The following RRP7A variants were observed in gnomAD, a reference collection of about 807,000 sequenced individuals.
RRP7A encodes the protein ribosomal RNA-processing protein 7 homolog A.
RRP7A carries 27 observed loss-of-function variants against 38.4 expected under a neutral mutation model. The ratio of observed to expected loss-of-function variants is 0.70; its 90% CI spans 0.52 to 0.97. RRP7A has a LOEUF of 0.97. Ranked by LOEUF, RRP7A falls within the 50% of genes least tolerant of loss-of-function variation. The pLI is 0.00. For missense variants in RRP7A, 327 were observed against 375.4 expected (o/e 0.87, Z 1.07); for synonymous variants, 124 against 150.3 (o/e 0.83, Z 1.28).
At position 42,511,943 on chromosome 22, in the gene RRP7A, G is replaced by A. The variant is rs964053076; in HGVS notation, c.*967C>T. 18 of 681,232 alleles carry A rather than the reference G, an allele frequency of 2.6e-5. No homozygotes were observed. The highest frequency in any genetic ancestry group is 5.2e-5 in the South Asian group (3 of 57,846). 42.2% of individuals were successfully genotyped at this position (681,232 alleles called of 1,614,324 possible). ...AGTCCCTAAGGTTAGACATCTCCTG[G>A]GGTGCTATGGACTGTCGGGGCTCCA... On this transcript the variant is annotated 3_prime_UTR_variant, in exon 7 of 7. Transcript: ENST00000323013.
rs1374987878 is a variant in RRP7A at position 42,509,464 on chromosome 22, C to CT, written c.*3445dup. On this transcript the variant is annotated 3_prime_UTR_variant, in exon 7 of 7. Transcript: ENST00000323013. ...TCTCCTGCCTCAGCCTCCCGAGTAG[C>CT]TGGGACTACAGGCGCCCGCCACCAC... Among the ~76,000 whole-genome samples, 2 of 150,694 alleles carry CT rather than the reference C, an allele frequency of 1.3e-5. No individual in the cohort carries two copies. The highest frequency in any genetic ancestry group is 3.0e-5 in the Non-Finnish European group (2 of 67,418).
rs1033171784 is a variant in RRP7A at position 42,510,396 on chromosome 22, C to G, written c.*2514G>C. On this transcript the variant is annotated 3_prime_UTR_variant, in exon 7 of 7. Transcript: ENST00000323013. ...GTGACCAAGTCCTGAACTCCCTGCG[C>G]CCCAGCAAGGCTGTGCCTTCAGCAC... 8.9e-6 allele frequency: 2 copies of G among 225,018 alleles called. No individual in the cohort carries two copies. The highest frequency in any genetic ancestry group is 1.8e-5 in the Non-Finnish European group (2 of 113,766). The allele number at this position is 225,018 out of a possible 1,614,324, so 13.9% of individuals were successfully genotyped here.
rs747587381 is a variant in RRP7A at position 42,514,124 on chromosome 22, G to C, written c.739C>G (p.Arg247Gly). 11 of 1,613,064 alleles carry C rather than the reference G, an allele frequency of 6.8e-6. No homozygotes were observed. The highest frequency in any genetic ancestry group is 9.3e-6 in the Non-Finnish European group (11 of 1,179,740). The change falls in exon 6 of 7, where the codon CGA becomes GGA. Residue 247 changes from arginine (R) to glycine (G), a missense_variant. This residue lies in a region of RRP7A where 84 missense variants were observed against 82.8 expected (regional missense o/e 1.01). Coordinates refer to ENST00000323013, the MANE Select transcript of RRP7A (RefSeq NM_015703.5). ...GGCTTACGCTCCATCTTGCTCTCTC[G>C]ATGCTGCCAGGCGTAGAAGTTGAGC... ...ELLNFYAWQH[R>G]ESKMEHLAQL... is the part of the protein sequence containing the mutation.
At position 42,517,985 on chromosome 22, in the gene RRP7A, C is replaced by G; in HGVS notation, c.216+20G>C. On this transcript the variant is annotated intron_variant, in intron 2 of 6. Transcript: ENST00000323013. ...CCACCTTGAGCCCACAGGTCTCCTC[C>G]CAGACAGACACTAGCTCACCTCTGT... is the stretch of plus-strand genomic sequence containing the variant. 6.2e-7 allele frequency: 1 copy of G among 1,609,722 alleles called. No individual in the cohort carries two copies. Among genetic ancestry groups the G allele is most frequent in the Non-Finnish European group, 8.5e-7 (1 of 1,177,750 alleles).
At chr22:42,513,422 G>A (rs1438858051) in intron 6 of RRP7A, among the ~76,000 whole-genome samples, 1 of 107,674 alleles carries the variant, frequency 9.3e-6, no homozygotes, top group Non-Finnish European at 2.0e-5. Flanking sequence ...TGAGGGGGAA[G>A]CTGAGGGTCT....
chr22:42,509,610 A>T lies in RRP7A; in HGVS notation c.*3300T>A, dbSNP rs1269283294. 7.0e-4 allele frequency among the ~76,000 whole-genome samples: 106 copies of T among 150,860 alleles called. 1 individual carries two copies. The highest frequency in any genetic ancestry group is 2.0e-3 in the African/African-American group (80 of 40,908). On this transcript the variant is annotated 3_prime_UTR_variant, in exon 7 of 7. Transcript: ENST00000323013. Reference sequence around the variant, plus strand: ...CCTCCCAGTGTTGGGATTACAGGCGAGAGCCACCGTGCGTGGCCCACCATA... The same window carrying T: ...CCTCCCAGTGTTGGGATTACAGGCGTGAGCCACCGTGCGTGGCCCACCATA...
In RRP7A at chr22:42,516,073, G is replaced by T; in HGVS notation, c.280C>A (p.Pro94Thr). ...TCCTTTGGGCTCTCAGCCAGGTCCG[G>T]CTTCTCCTGCAACTCTACAGACTGG... is the stretch of plus-strand genomic sequence containing the variant. ...LVQSVELQEK[P>T]DLAESPKESR... Residue 94 changes from proline (P) to threonine (T), a missense_variant, in exon 3 of 7, where the codon CCG becomes ACG. Transcript: ENST00000323013. 1.2e-6 allele frequency: 2 copies of T among 1,613,418 alleles called. No individual in the cohort carries two copies. The highest frequency in any genetic ancestry group is 1.7e-6 in the Non-Finnish European group (2 of 1,179,610).
At chr22:42,517,883 C>G in intron 2 of RRP7A, 122 bp downstream of exon 2, 1 of 1,169,072 alleles carries the variant, frequency 8.6e-7, no homozygotes, top group Non-Finnish European at 1.2e-6. Flanking sequence ...CGGTAGCCCT[C>G]CTGACACTCT....
At position 42,511,838 on chromosome 22, in the gene RRP7A, G is replaced by A; in HGVS notation, c.*1072C>T. The A allele has an allele frequency of 6.5e-6, 3 of 462,540 alleles. No individual in the cohort carries two copies. The allele number at this position is 462,540 out of a possible 1,614,324, so 28.7% of individuals were successfully genotyped here. Reference sequence around the variant, plus strand: ...GAGGACTACTTCGGATACAATCACAGCAACCCTGGCCTCGGCCCTGCCCTG... The same window carrying A: ...GAGGACTACTTCGGATACAATCACAACAACCCTGGCCTCGGCCCTGCCCTG... On this transcript the variant is annotated 3_prime_UTR_variant, in exon 7 of 7. Transcript: ENST00000323013.
intron 2 of RRP7A, among the ~76,000 whole-genome samples, chr22:42,517,728 T>C (rs8137466): frequency 0.54 from 82,430 of 151,878 alleles, 24,903 homozygotes; most frequent in East Asian, 0.88. Context: ...CCATGTTGGC[T>C]AGGCTGGTCT....
rs1932414825 is a variant in RRP7A, at chr22:42,510,289, TG to T, written c.*2620del. On this transcript the variant is annotated 3_prime_UTR_variant, in exon 7 of 7. Transcript: ENST00000323013. The stretch of plus-strand genomic sequence containing the variant: ...GATTGTAGACTTTCAATGGGAGGAT[TG>T]TGAAGACATAAATTCTCTCTCAGAG... The T allele has an allele frequency of 6.4e-6, 1 of 155,976 alleles. No homozygotes were observed. The highest frequency in any genetic ancestry group is 1.4e-5 in the Non-Finnish European group (1 of 70,584). The allele number at this position is 155,976 out of a possible 1,614,324, so 9.7% of individuals were successfully genotyped here.
chr22:42,515,801 C>A (rs1920927905), intron 3 of RRP7A, among the ~76,000 whole-genome samples: 1 of 152,200 alleles, frequency 6.6e-6, no homozygotes, highest in South Asian at 2.1e-4. Flanking sequence ...TAACACGGGA[C>A]AGAAAAAGCC....
Position 42,512,863 on chromosome 22 carries a change from C to T in RRP7A, c.*47G>A, listed in dbSNP as rs1207319360. 2 of 1,573,124 alleles carry T rather than the reference C, an allele frequency of 1.3e-6. No individual in the cohort carries two copies. Among genetic ancestry groups the T allele is most frequent in the Admixed American group, 1.7e-5 (1 of 58,686 alleles). On this transcript the variant is annotated 3_prime_UTR_variant, in exon 7 of 7. Transcript: ENST00000323013. ...GAGACCGCTGCAGGCCCTGCCTCGC[C>T]TCCTCCTGGCCCTGCACCTCCAGCC...
In RRP7A at chr22:42,509,489, C is replaced by G. The variant is rs6002775; in HGVS notation, c.*3421G>C. On this transcript the variant is annotated 3_prime_UTR_variant, in exon 7 of 7. Coordinates refer to ENST00000323013, the MANE Select transcript of RRP7A (RefSeq NM_015703.5). The stretch of plus-strand genomic sequence containing the variant: ...CTGGGACTACAGGCGCCCGCCACCA[C>G]GCCTGGCTTATTTTTGTATTTTTAG... Among the ~76,000 whole-genome samples the G allele has an allele frequency of 0.54, 76,398 of 142,280 alleles. 23,921 individuals are homozygous for G. Among genetic ancestry groups the G allele is most frequent in the East Asian group, 0.88 (4,504 of 5,098 alleles). The allele number at this position is 142,280 out of a possible 152,430, so 93.3% of individuals were successfully genotyped here.
In RRP7A at chr22:42,518,036, A is replaced by C. The variant is rs765666158; in HGVS notation, c.185T>G (p.Phe62Cys). ...GCAGTATGGGGGCACATTGAGGACA[A>C]AAAGAGTCCTCTTCTGAGGCCAGGT... ...KSTWPQKRTL[F>C]VLNVPPYCTE... Residue 62 changes from phenylalanine to cysteine, a missense_variant, in exon 2 of 7, where the codon TTT (phenylalanine) becomes TGT (cysteine). Physicochemically the swap from Phe to Cys is radical, Grantham distance 205. Transcript: ENST00000323013. 6.2e-7 allele frequency: 1 copy of C among 1,613,678 alleles called. No homozygotes were observed.
chr22:42,519,717 C>G lies in RRP7A; in HGVS notation c.70G>C (p.Ala24Pro). 1.4e-6 allele frequency: 2 copies of G among 1,459,984 alleles called. No individual in the cohort carries two copies. The highest frequency in any genetic ancestry group is 2.6e-5 in the South Asian group (2 of 75,748). The allele number at this position is 1,459,984 out of a possible 1,614,324, so 90.4% of individuals were successfully genotyped here. A position where few individuals can be genotyped will look rare whatever the true frequency, so the allele number is the denominator to read the frequency against. The change falls in exon 1 of 7, where the codon GCA becomes CCA. Residue 24 changes from alanine to proline, a missense_variant. Around this residue, in one of 5 missense-constraint regions of RRP7A, gnomAD observed 183 missense variants for 141.8 expected, o/e 1.29. Transcript: ENST00000323013. ...EDRIPSPLGY[A>P]AIPIKFSEKQ... ...CTCGCGTCCCGGAGCCCCTCACCTG[C>G]GTAGCCCAGTGGGCTGGGGATACGG...
Position 42,516,033 on chromosome 22 carries a change from AACTTCG to A in RRP7A, c.314_319del (p.Ser105_Lys106del). 1 of 1,605,088 alleles carries A rather than the reference AACTTCG, an allele frequency of 6.2e-7. No individual in the cohort carries two copies. Among genetic ancestry groups the A allele is most frequent in the Non-Finnish European group, 8.5e-7 (1 of 1,174,358 alleles). ...CACCGGAACTGGCTTGGGATGAAAA[AACTTCG>A]ACCTTGACTCCTTTGGGCTCTCAGC... On this transcript the variant is annotated inframe_deletion, in exon 3 of 7. Transcript: ENST00000323013.
chr22:42,517,370 A>C (rs1601808220), intron 2 of RRP7A, among the ~76,000 whole-genome samples: 2 of 150,708 alleles, frequency 1.3e-5, no homozygotes, highest in African/African-American at 4.9e-5. Flanking sequence ...AAAAAAATTA[A>C]CAGTTGTGTT....
At position 42,508,786 on chromosome 22, in the gene RRP7A, C is replaced by T. The variant is rs139538231; in HGVS notation, c.*4124G>A. Reference sequence around the variant, plus strand: ...GGCAAAGGAGTATTGGAAATGGAGTCAGGCTGGGTAGCCACGAGCCCAGGA... The same window carrying T: ...GGCAAAGGAGTATTGGAAATGGAGTTAGGCTGGGTAGCCACGAGCCCAGGA... On this transcript the variant is annotated 3_prime_UTR_variant, in exon 7 of 7. Coordinates refer to ENST00000323013, the MANE Select transcript of RRP7A (RefSeq NM_015703.5). Among the ~76,000 whole-genome samples the T allele has an allele frequency of 0.018, 2,784 of 152,032 alleles. 1 individual carries two copies. Among genetic ancestry groups the T allele is most frequent in the African/African-American group, 0.063 (2,594 of 41,300 alleles).
Sources: gnomAD v4.1 joint callset for allele counts (sites outside exome capture counted in the v4.1 genomes callset) on GRCh38, gnomAD v4.1.1 for gene constraint, gnomAD v4.1.1 regional missense constraint, MANE v1.5 for transcripts, NCBI Gene and HGNC (gene_info 2026-07-23, HGNC 2026-07-21) for gene names.